Variants in COG6 observed in about 807,000 individuals in gnomAD.
COG6 encodes the protein conserved oligomeric Golgi complex subunit 6.
COG6 carries 74 observed loss-of-function variants against 88.8 expected under a neutral mutation model. The ratio of observed to expected loss-of-function variants is 0.83; its 90% CI spans 0.69 to 1.01. The LOEUF (loss-of-function observed/expected upper bound fraction) is 1.01. Ranked by LOEUF, COG6 falls within the 50% of genes least tolerant of loss-of-function variation. COG6 has a pLI of 0.00. For synonymous variants in COG6, 286 were observed against 278.7 expected (o/e 1.03, Z -0.26); for missense variants, 800 against 797.9 (o/e 1.00, Z -0.03).
intron 14 of COG6, 136 bp downstream of exon 14, chr13:39,719,503 G>C (rs1878729754): frequency 8.6e-7 from 1 of 1,169,064 alleles, no homozygotes; most frequent in Non-Finnish European, 1.2e-6. Context: ...TATTAAACCA[G>C]TTATCATAAC....
Position 39,659,510 on chromosome 13 carries a change from A to T in COG6, c.297+3A>T. ...GCATTTTCAAGGAAGTGAAGGAGGT[A>T]TGTAAACTCTTTTCATTTAGCATAT... On this transcript the variant is annotated splice_donor_region_variant and intron_variant, in intron 2 of 18. Coordinates refer to ENST00000455146, the MANE Select transcript of COG6 (RefSeq NM_020751.3). The T allele has an allele frequency of 1.9e-6, 3 of 1,611,618 alleles. No homozygotes were observed. The highest frequency in any genetic ancestry group is 2.5e-6 in the Non-Finnish European group (3 of 1,178,452).
exon 19 of COG6, chr13:39,789,752 C>A (rs1243638973): frequency 2.0e-5 from 3 of 152,250 alleles, no homozygotes; most frequent in South Asian, 2.1e-4. Flanking sequence ...GCAGCAGGAG[C>A]CACGTTCGTC....
intron 4 of COG6, among the ~76,000 whole-genome samples, chr13:39,676,367 C>CA (rs1875966786): frequency 6.6e-6 from 1 of 151,992 alleles, no homozygotes; most frequent in South Asian, 2.1e-4. Context: ...AAAGCACAGG[C>CA]AACAAAGCAA....
At chr13:39,703,821 A>G (rs138478272) in intron 13 of COG6, among the ~76,000 whole-genome samples, 14 of 152,022 alleles carry the variant, frequency 9.2e-5, no homozygotes, top group African/African-American at 3.4e-4. Flanking sequence ...GCAGCCTTGA[A>G]GCTCAAGCCA....
At chr13:39,715,996 G>A (rs1006838326) in intron 13 of COG6, among the ~76,000 whole-genome samples, 5 of 151,886 alleles carry the variant, frequency 3.3e-5, no homozygotes, top group Non-Finnish European at 7.4e-5. Flanking sequence ...GAATACTTTT[G>A]TGAAGAAAAG....
chr13:39,750,941 A>G lies in COG6; in HGVS notation c.1827-5A>G. On this transcript the variant is annotated splice_region_variant and splice_polypyrimidine_tract_variant and intron_variant, in intron 18 of 18. Coordinates refer to ENST00000455146, the MANE Select transcript of COG6 (RefSeq NM_020751.3). ...TGTGTTTACATTTTGTTTGCTTATC[A>G]ATAGAGAGCAGATCGTAAAACAATC... The G allele has an allele frequency of 6.2e-7, 1 of 1,612,252 alleles. No homozygotes were observed. Among genetic ancestry groups the G allele is most frequent in the Non-Finnish European group, 8.5e-7 (1 of 1,178,728 alleles).
chr13:39,728,501 G>A (rs1159301763), intron 18 of COG6, among the ~76,000 whole-genome samples: 2 of 151,548 alleles, frequency 1.3e-5, no homozygotes, highest in Non-Finnish European at 2.9e-5. Flanking sequence ...CACAGAGTTA[G>A]GAAAGTTCCA....
At chr13:39,670,968 C>T (rs532842161) in intron 4 of COG6, among the ~76,000 whole-genome samples, 1 of 152,124 alleles carries the variant, frequency 6.6e-6, no homozygotes, top group East Asian at 1.9e-4. Context: ...GTATGTGGCA[C>T]ATTTTCTTTC....
intron 11 of COG6, among the ~76,000 whole-genome samples, chr13:39,692,713 T>C (rs1877050496): frequency 6.6e-6 from 1 of 152,086 alleles, no homozygotes. Context: ...GTTCTGTCTT[T>C]TAGCTCTTCC....
At chr13:39,726,329 A>G (rs1321434068) in intron 17 of COG6, among the ~76,000 whole-genome samples, 1 of 151,996 alleles carries the variant, frequency 6.6e-6, no homozygotes, top group Non-Finnish European at 1.5e-5. Context: ...AAGAATTGGG[A>G]TGAAAACAGA....
At chr13:39,789,442 T>C (rs1017713712) in exon 19 of COG6, 1 of 152,190 alleles carries the variant, frequency 6.6e-6, no homozygotes, top group African/African-American at 2.4e-5. Flanking sequence ...GCCTTCTACT[T>C]TTAAACTTCA....
intron 13 of COG6, among the ~76,000 whole-genome samples, chr13:39,713,370 G>C (rs1397581984): frequency 1.3e-5 from 2 of 152,152 alleles, no homozygotes; most frequent in Non-Finnish European, 2.9e-5. Context: ...ATAGTAAAGA[G>C]GGTCTCTTCC....
In COG6 at chr13:39,655,743, G is replaced by A. The variant is rs1160658538; in HGVS notation, c.17G>A (p.Gly6Glu). 1.9e-6 allele frequency: 3 copies of A among 1,595,900 alleles called. No individual in the cohort carries two copies. The highest frequency in any genetic ancestry group is 2.6e-6 in the Non-Finnish European group (3 of 1,171,234). The part of the protein sequence containing the change: MAEGS[G>E]EVVAVSATGA... ...CGCAGCGCTATGGCAGAGGGCAGCGGGGAAGTGGTCGCAGTGTCTGCGACC... is the reference window on the plus strand; with the variant it reads ...CGCAGCGCTATGGCAGAGGGCAGCGAGGAAGTGGTCGCAGTGTCTGCGACC... Residue 6 changes from glycine to glutamate, a missense_variant, in exon 1 of 19, where the codon GGG (glycine) becomes GAG (glutamate). Gly to Glu is a moderately conservative substitution (Grantham distance 98). Coordinates refer to ENST00000455146, the MANE Select transcript of COG6 (RefSeq NM_020751.3).
intron 10 of COG6, 77 bp downstream of exon 10, chr13:39,687,876 ATCT>A (rs1876757456): frequency 9.8e-7 from 1 of 1,021,396 alleles, no homozygotes; most frequent in Admixed American, 1.9e-5. Flanking sequence ...TCTTGTTGCC[ATCT>A]TCTTCACTTA....
chr13:39,746,536 T>A (rs1260975981), intron 18 of COG6, among the ~76,000 whole-genome samples: 1 of 152,214 alleles, frequency 6.6e-6, no homozygotes, highest in Non-Finnish European at 1.5e-5. Flanking sequence ...TGAGATGATT[T>A]GTTGGTCATT....
In COG6 at chr13:39,687,546, G is replaced by C. The variant is rs1876724848; in HGVS notation, c.832G>C (p.Val278Leu). ...TGGAACAGCCAGAAGAAGTACAGTT[G>C]TTCGTGGATTTATTGATGCGCTCAC... Reference protein sequence around the residue: ...EFGTARRSTVVRGFIDALTRG... With the variant: ...EFGTARRSTVLRGFIDALTRG... The change falls in exon 9 of 19, where the codon GTT becomes CTT. Residue 278 changes from valine (V) to leucine (L), a missense_variant. By Grantham distance (32) the Val-to-Leu change is conservative. Coordinates refer to ENST00000455146, the MANE Select transcript of COG6 (RefSeq NM_020751.3). 1 of 1,613,260 alleles carries C rather than the reference G, an allele frequency of 6.2e-7. No individual in the cohort carries two copies. Among genetic ancestry groups the C allele is most frequent in the Non-Finnish European group, 8.5e-7 (1 of 1,179,516 alleles).
chr13:39,701,883 A>G (rs1221569430), intron 13 of COG6, among the ~76,000 whole-genome samples: 3 of 152,098 alleles, frequency 2.0e-5, no homozygotes, highest in East Asian at 3.9e-4. Context: ...ATGAAGATAT[A>G]TGGAAAGGAT....
intron 13 of COG6, among the ~76,000 whole-genome samples, chr13:39,707,565 T>G (rs1396112842): frequency 6.6e-6 from 1 of 152,192 alleles, no homozygotes; most frequent in Non-Finnish European, 1.5e-5. Flanking sequence ...GCATCCTCTT[T>G]CCCCTTCCCA....
At chr13:39,681,932 C>G (rs990611690) in intron 7 of COG6, among the ~76,000 whole-genome samples, 1 of 152,038 alleles carries the variant, frequency 6.6e-6, no homozygotes, top group Admixed American at 6.6e-5. Context: ...TAATAAAATA[C>G]AGCTTTGGGG....
Sources: allele counts gnomAD v4.1 joint callset (sites outside exome capture counted in the v4.1 genomes callset), GRCh38; gene constraint gnomAD v4.1.1; transcripts MANE v1.5; gene names NCBI Gene and HGNC (gene_info 2026-07-23, HGNC 2026-07-21).